The following PLCH2 variants were observed in gnomAD, a reference collection of about 807,000 sequenced individuals.
The protein encoded by PLCH2 is phospholipase C eta 2.
Under a neutral mutation model 134.7 loss-of-function variants are expected in PLCH2, and 98 were observed. The ratio of observed to expected loss-of-function variants is 0.73; its 90% confidence interval spans 0.62 to 0.86. The LOEUF is 0.86. Among genes scored for constraint, PLCH2 ranks in the 40% least tolerant of loss-of-function variants. The pLI, the probability that PLCH2 is intolerant of heterozygous loss-of-function variation, is 0.00. For missense variants in PLCH2, 1,994 were observed against 1,986.6 expected (o/e 1.00, Z -0.07); for synonymous variants, 974 against 827.5 (o/e 1.18, Z -3.04).
intron 4 of PLCH2, among the ~76,000 whole-genome samples, chr1:2,483,757 C>CCCCGTGTGGGGGGCGTTGACT (rs138594264): frequency 0.32 from 30,869 of 95,796 alleles, 6,933 homozygotes; most frequent in East Asian, 0.39. Context: ...TGTTGTTGAC[C>CCCCGTGTGGGGGGCGTTGACT]CCCGTTTGGG....
Position 2,504,131 on chromosome 1 carries a change from C to A in PLCH2, c.3169C>A (p.Arg1057=). 2 of 1,523,060 alleles carry A rather than the reference C, an allele frequency of 1.3e-6. No homozygotes were observed. The highest frequency in any genetic ancestry group is 1.8e-6 in the Non-Finnish European group (2 of 1,136,542). 94.3% of individuals were successfully genotyped at this position (1,523,060 alleles called of 1,614,324 possible). A position where few individuals can be genotyped will look rare whatever the true frequency, so the allele number is the denominator to read the frequency against. ...TGAGGAGCCCCGAGACAGCAGGCCT[C>A]GGCCGTGCAACGGCGAGGGCGCCGG... ...DTEEPRDSRP[R]PCNGEGAGGA... is the part of the protein sequence containing the mutation. Residue 1057 remains arginine (R), a synonymous_variant, in exon 22 of 22, where the codon CGG becomes AGG. Transcript: ENST00000378486.
chr1:2,426,583 G>C (rs1320783906), intron 1 of PLCH2, among the ~76,000 whole-genome samples: 1 of 152,216 alleles, frequency 6.6e-6, no homozygotes, highest in Admixed American at 6.5e-5. Context: ...GGCCCCTCGC[G>C]GTCTTCCCTT....
In PLCH2 at chr1:2,504,227, C is replaced by T. The variant is rs1643402689; in HGVS notation, c.3265C>T (p.Pro1089Ser). 1 of 1,570,018 alleles carries T rather than the reference C, an allele frequency of 6.4e-7. No individual in the cohort carries two copies. Among genetic ancestry groups the T allele is most frequent in the Non-Finnish European group, 8.6e-7 (1 of 1,159,022 alleles). Residue 1089 changes from proline to serine, a missense_variant, in exon 22 of 22, where the codon CCC becomes TCC. Around this residue, in one of 2 missense-constraint regions of PLCH2, gnomAD observed 900 missense variants for 752.3 expected, o/e 1.20. Transcript: ENST00000378486. ...CCAGCCCCGGACCCTGGGCCACCTG[C>T]CCGTGATTAGAAGGGTGAAGAGTGA... is the stretch of plus-strand genomic sequence containing the variant. ...RSQPRTLGHL[P>S]VIRRVKSEGQ...
At chr1:2,467,462 G>C (rs766609606) in exon 1 of PLCH2, 12 of 381,730 alleles carry the variant, frequency 3.1e-5, no homozygotes, top group Non-Finnish European at 4.6e-5. Flanking sequence ...CCTTCCTCAC[G>C]GGCGGGCGCG....
Position 2,489,967 on chromosome 1 carries a change from C to T in PLCH2, c.1515+100C>T, listed in dbSNP as rs547154839. On this transcript the variant is annotated intron_variant, in intron 10 of 21. Coordinates refer to ENST00000378486, the MANE Select transcript of PLCH2 (RefSeq NM_014638.4). ...GGGGCGAGTTAGAAAGGGAGGCATC[C>T]GGGAGAGAGGGACATTGGGGCAGAT... 130 of 895,630 alleles carry T rather than the reference C, an allele frequency of 1.5e-4. 1 individual carries two copies. Among genetic ancestry groups the T allele is most frequent in the South Asian group, 1.3e-3 (94 of 70,972 alleles). 55.5% of individuals were successfully genotyped at this position (895,630 alleles called of 1,614,324 possible).
chr1:2,504,249 G>T lies in PLCH2; in HGVS notation c.3287G>T (p.Ser1096Ile), dbSNP rs753979058. 1 of 1,587,928 alleles carries T rather than the reference G, an allele frequency of 6.3e-7. No homozygotes were observed. The highest frequency in any genetic ancestry group is 8.6e-7 in the Non-Finnish European group (1 of 1,168,794). ...GHLPVIRRVK[S>I]EGQVPTEPLG... ...CTGCCCGTGATTAGAAGGGTGAAGA[G>T]TGAGGGGCAGGTGCCCACGGAGCCC... The change falls in exon 22 of 22, where the codon AGT becomes ATT. Residue 1096 changes from serine to isoleucine, a missense_variant. Physicochemically the swap from Ser to Ile is moderately radical, Grantham distance 142. This residue lies in a region of PLCH2 where 900 missense variants were observed against 752.3 expected (regional missense o/e 1.20). Transcript: ENST00000378486.
chr1:2,489,448 A>C, intron 9 of PLCH2, 70 bp downstream of exon 9: 4 of 1,516,226 alleles, frequency 2.6e-6, no homozygotes, highest in Non-Finnish European at 3.6e-6. Context: ...GCCCTGCTCC[A>C]GACAGGCAGG....
At chr1:2,441,105 T>A (rs1478266932) in intron 2 of PLCH2, among the ~76,000 whole-genome samples, 1 of 152,116 alleles carries the variant, frequency 6.6e-6, no homozygotes, top group Non-Finnish European at 1.5e-5. Flanking sequence ...CCATCCTGAC[T>A]GCACCTGGCT....
At chr1:2,417,621 T>C in the PLCH2 span, among the ~76,000 whole-genome samples, 1 of 152,182 alleles carries the variant, frequency 6.6e-6, no homozygotes. Context: ...GGCCCTGTCC[T>C]GCGAGCACTG....
chr1:2,425,867 A>ACGG (rs1638768975), upstream of PLCH2: 1 of 152,154 alleles, frequency 6.6e-6, no homozygotes, highest in East Asian at 1.9e-4. Context: ...GGCCGGCAGC[A>ACGG]CCACAGTGTC....
Position 2,498,265 on chromosome 1 carries a change from A to T in PLCH2, c.2225-258A>T, listed in dbSNP as rs1643004569. 2.2e-6 allele frequency: 1 copy of T among 448,296 alleles called. No homozygotes were observed. Among genetic ancestry groups the T allele is most frequent in the Non-Finnish European group, 4.0e-6 (1 of 250,650 alleles). The allele number at this position is 448,296 out of a possible 1,614,324, so 27.8% of individuals were successfully genotyped here. Reference sequence around the variant, plus strand: ...CCCAGGGACCCAGACCCACCCCCAGAAGCCATGTGACCTCCTCGGCTCAGC... The same window carrying T: ...CCCAGGGACCCAGACCCACCCCCAGTAGCCATGTGACCTCCTCGGCTCAGC... On this transcript the variant is annotated intron_variant, in intron 16 of 21. Coordinates refer to ENST00000378486, the MANE Select transcript of PLCH2 (RefSeq NM_014638.4). This position sits in a 1 kb window ranked among gnomAD's most constrained non-coding sequence, Gnocchi z 5.4.
chr1:2,472,729 G>T (rs944352374), upstream of PLCH2, among the ~76,000 whole-genome samples: 2 of 152,154 alleles, frequency 1.3e-5, no homozygotes, highest in East Asian at 1.9e-4. Flanking sequence ...GGCAGCAAGC[G>T]TCGGGAGAGG....
chr1:2,489,134 T>A, intron 8 of PLCH2, 73 bp from the exon 9 acceptor site: 1 of 1,340,218 alleles, frequency 7.5e-7, no homozygotes, highest in Non-Finnish European at 1.0e-6. Context: ...TGACCTGGGA[T>A]CTTGCAGAGG....
At chr1:2,470,873 C>T (rs1443246756) in intron 1 of PLCH2, among the ~76,000 whole-genome samples, 2 of 152,218 alleles carry the variant, frequency 1.3e-5, no homozygotes, top group Non-Finnish European at 2.9e-5. Flanking sequence ...CTGGGGTGTC[C>T]TGGACGGTGG....
rs1168942819 is a variant in PLCH2 at position 2,494,965 on chromosome 1, A to G, written c.1752+17A>G. ...AGGCGCAAGGTCCGGCGCAGCTCCCAGGCCAGGGTCCCGGTCTGGGCCCAG... is the reference window on the plus strand; with the variant it reads ...AGGCGCAAGGTCCGGCGCAGCTCCCGGGCCAGGGTCCCGGTCTGGGCCCAG... On this transcript the variant is annotated intron_variant, in intron 12 of 21. Coordinates refer to ENST00000378486, the MANE Select transcript of PLCH2 (RefSeq NM_014638.4). 1 of 1,557,018 alleles carries G rather than the reference A, an allele frequency of 6.4e-7. No homozygotes were observed. Among genetic ancestry groups the G allele is most frequent in the South Asian group, 1.2e-5 (1 of 85,980 alleles).
At chr1:2,431,330 C>CAT (rs1639061133) in intron 2 of PLCH2, among the ~76,000 whole-genome samples, 4 of 151,110 alleles carry the variant, frequency 2.6e-5, no homozygotes, top group Admixed American at 6.6e-5. Context: ...TGCCCAAGTG[C>CAT]GTGTGTGTGT....
chr1:2,467,666 A>G, intron 1 of PLCH2: 1 of 411,232 alleles, frequency 2.4e-6, no homozygotes, highest in South Asian at 8.2e-5. Context: ...GACCAAGGTA[A>G]GGGGGCAGGT....
At chr1:2,490,100 T>A (rs1642491626) in intron 10 of PLCH2, among the ~76,000 whole-genome samples, 1 of 137,000 alleles carries the variant, frequency 7.3e-6, no homozygotes, top group Admixed American at 8.3e-5. Context: ...TTGAGCTGAC[T>A]CTTGGGGTAC....
At chr1:2,486,331 C>T (rs1284641981) in intron 5 of PLCH2, among the ~76,000 whole-genome samples, 3 of 152,232 alleles carry the variant, frequency 2.0e-5, no homozygotes, top group African/African-American at 4.8e-5. Context: ...GCTCCCCCAC[C>T]TGTTACCTCA....
Sources: gnomAD v4.1 joint callset for allele counts (sites outside exome capture counted in the v4.1 genomes callset) on GRCh38, gnomAD v4.1.1 for gene constraint, gnomAD v4.1.1 regional missense constraint, Gnocchi (gnomAD v3.1) non-coding constraint, MANE v1.5 for transcripts, NCBI Gene and HGNC (gene_info 2026-07-23, HGNC 2026-07-21) for gene names.